EWSR1: variants seen among roughly 807,000 people sequenced by gnomAD.
The protein encoded by EWSR1 is EWS RNA binding protein 1.
Under a neutral mutation model 92.1 loss-of-function variants are expected in EWSR1, and 14 were observed. The observed-to-expected ratio is 0.15, with a 90% CI of 0.10 to 0.24. The LOEUF is 0.24. EWSR1 is among the 10% of genes least tolerant of loss of function. The probability of loss-of-function intolerance (pLI) is 1.00; values close to 1 mark genes in which losing one functional copy is unlikely to be tolerated. For synonymous variants in EWSR1, 303 were observed against 292.9 expected, an observed-to-expected ratio of 1.03 and a Z score of -0.35; for missense variants, 637 against 870.9, an observed-to-expected ratio of 0.73 and a Z score of 3.38.
chr22:29,286,408 G>C (rs1027348425), intron 6 of EWSR1, among the ~76,000 whole-genome samples: 1 of 151,976 alleles, frequency 6.6e-6, no homozygotes, highest in African/African-American at 2.4e-5. Context: ...CCCCCTCCCA[G>C]CTGGGCACCG....
intron 14 of EWSR1, 145 bp downstream of exon 14, chr22:29,299,040 C>T (rs928432311): frequency 1.2e-5 from 16 of 1,323,780 alleles, no homozygotes; most frequent in Non-Finnish European, 1.7e-5. Flanking sequence ...CAGCCATTCA[C>T]TGGACGCTTC....
chr22:29,299,036 TTCACTGGACGC>T (rs1317911790), intron 14 of EWSR1, 141 bp downstream of exon 14: 7 of 1,318,776 alleles, frequency 5.3e-6, no homozygotes, highest in Admixed American at 2.4e-5. Context: ...TAGTCAGCCA[TTCACTGGACGC>T]TTCAGAGCCT....
At chr22:29,269,540 G>A (rs1284988823) in intron 1 of EWSR1, 1 of 152,258 alleles carries the variant, frequency 6.6e-6, no homozygotes, top group Non-Finnish European at 1.5e-5. Context: ...AGGCCTTAGA[G>A]ACAGTGGGAG....
At chr22:29,289,429 A>G (rs2060283181) in intron 8 of EWSR1, 1 of 231,740 alleles carries the variant, frequency 4.3e-6, no homozygotes, top group South Asian at 1.8e-4. Context: ...ATTTTGATTG[A>G]TGGCACAATC....
intron 11 of EWSR1, among the ~76,000 whole-genome samples, chr22:29,294,968 C>T (rs1016094029): frequency 2.0e-5 from 3 of 151,888 alleles, no homozygotes; most frequent in African/African-American, 7.3e-5. Context: ...GTGATTTCTC[C>T]CTGCTTGTAG....
chr22:29,290,812 G>A, intron 8 of EWSR1: 1 of 469,030 alleles, frequency 2.1e-6, no homozygotes, highest in Non-Finnish European at 3.1e-6. Flanking sequence ...TCCCACTGGG[G>A]AGCTGCCTTT....
intron 1 of EWSR1, among the ~76,000 whole-genome samples, chr22:29,270,830 G>A (rs1461640831): frequency 6.6e-6 from 1 of 151,848 alleles, no homozygotes; most frequent in African/African-American, 2.4e-5. Context: ...TAATGTCAGA[G>A]AGAGTATGAC....
In EWSR1 at chr22:29,288,711, G is replaced by A; in HGVS notation, c.899G>A (p.Arg300Gln). 5.0e-6 allele frequency: 8 copies of A among 1,613,902 alleles called. No homozygotes were observed. Among genetic ancestry groups the A allele is most frequent in the South Asian group, 2.2e-5 (2 of 91,068 alleles). The change falls in exon 8 of 17, where the codon CGG becomes CAG. Residue 300 changes from arginine to glutamine, a missense_variant. Transcript: ENST00000397938. ...CGGAGCATGAGTGGCCCTGATAACC[G>A]GGGCAGGGGAAGAGGGGGATTTGAT... Reference protein sequence around the residue: ...ENRSMSGPDNRGRGRGGFDRG... With the variant: ...ENRSMSGPDNQGRGRGGFDRG...
chr22:29,268,878 C>T (rs1359737825), intron 1 of EWSR1, among the ~76,000 whole-genome samples: 4 of 152,242 alleles, frequency 2.6e-5, no homozygotes, highest in South Asian at 4.1e-4. Flanking sequence ...CCCCGTCATC[C>T]TTAAGACCCA....
intron 11 of EWSR1, among the ~76,000 whole-genome samples, chr22:29,293,970 C>T (rs886260779): frequency 2.6e-5 from 4 of 151,874 alleles, no homozygotes; most frequent in Admixed American, 2.0e-4. Flanking sequence ...CTCTGCCTCC[C>T]GGGTCTCCTT....
intron 15 of EWSR1, 27 bp from the exon 16 acceptor site, chr22:29,299,572 G>T (rs1304637652): frequency 6.4e-7 from 1 of 1,561,812 alleles, no homozygotes; most frequent in Admixed American, 1.8e-5. Flanking sequence ...CCCACTGACT[G>T]CTTTCGCCCT....
intron 5 of EWSR1, among the ~76,000 whole-genome samples, chr22:29,278,671 A>G (rs2059316595): frequency 6.6e-6 from 1 of 152,198 alleles, no homozygotes; most frequent in East Asian, 1.9e-4. Flanking sequence ...GAAAAATACA[A>G]AAAATTAGCC....
chr22:29,297,731 G>A (rs1423301772), intron 12 of EWSR1, 96 bp from the exon 13 acceptor site: 1 of 1,495,896 alleles, frequency 6.7e-7, no homozygotes, highest in Admixed American at 1.9e-5. Flanking sequence ...ATTACAGGCA[G>A]ACCTAATGCA....
At chr22:29,286,499 TAAC>T (rs1200999859) in intron 6 of EWSR1, among the ~76,000 whole-genome samples, 1 of 151,774 alleles carries the variant, frequency 6.6e-6, no homozygotes, top group Non-Finnish European at 1.5e-5. Context: ...CCATCCTGGC[TAAC>T]AAGATGAAAC....
chr22:29,274,098 T>C (rs898855280), intron 4 of EWSR1, among the ~76,000 whole-genome samples: 1 of 152,220 alleles, frequency 6.6e-6, no homozygotes, highest in African/African-American at 2.4e-5. Flanking sequence ...TTTAACTGTT[T>C]GAATAATCTC....
At chr22:29,291,939 C>T (rs1252419635) in intron 9 of EWSR1, 198 bp from the exon 10 acceptor site, 8 of 606,472 alleles carry the variant, frequency 1.3e-5, no homozygotes, top group Non-Finnish European at 2.3e-5. Context: ...AGCAAACCAG[C>T]AAAGGAAAAA....
Position 29,272,421 on chromosome 22 carries a change from A to G in EWSR1, c.92A>G (p.Gln31Arg). The change falls in exon 3 of 17, where the codon CAG becomes CGG. Residue 31 changes from glutamine to arginine, a missense_variant. By Grantham distance (43) the Gln-to-Arg change is conservative (BLOSUM62 1). This residue lies in a region of EWSR1 where 144 missense variants were observed against 189.0 expected (regional missense o/e 0.76). Coordinates refer to ENST00000397938, the MANE Select transcript of EWSR1 (RefSeq NM_005243.4). ...YTAQPTQGYA[Q>R]TTQAYGQQSY... ...GCCCAGCCCACTCAAGGATATGCACAGACCACCCAGGTAATCTTTAAAATA... is the reference window on the plus strand; with the variant it reads ...GCCCAGCCCACTCAAGGATATGCACGGACCACCCAGGTAATCTTTAAAATA... 1 of 1,612,778 alleles carries G rather than the reference A, an allele frequency of 6.2e-7. No homozygotes were observed. The highest frequency in any genetic ancestry group is 8.5e-7 in the Non-Finnish European group (1 of 1,179,976).
At chr22:29,270,275 G>C (rs1414063838) in intron 1 of EWSR1, among the ~76,000 whole-genome samples, 1 of 152,170 alleles carries the variant, frequency 6.6e-6, no homozygotes, top group East Asian at 1.9e-4. Flanking sequence ...TATATATCCA[G>C]TGCAACAAAG....
intron 12 of EWSR1, 109 bp from the exon 13 acceptor site, chr22:29,297,715 GAGA>G: frequency 7.1e-7 from 1 of 1,403,612 alleles, no homozygotes; most frequent in Non-Finnish European, 9.7e-7. Context: ...AAAGATCTTA[GAGA>G]AGATTACAGG....
Sources: allele counts gnomAD v4.1 joint callset (sites outside exome capture counted in the v4.1 genomes callset), GRCh38; gene constraint gnomAD v4.1.1; regional missense constraint gnomAD v4.1.1; transcripts MANE v1.5; gene names NCBI Gene and HGNC (gene_info 2026-07-23, HGNC 2026-07-21).